Variants in WSCD2 observed in about 807,000 individuals in gnomAD.
WSCD2 encodes the protein sialate:O-sulfotransferase 2.
Under a neutral mutation model 55.7 loss-of-function variants are expected in WSCD2, and 28 were observed. The ratio of observed to expected loss-of-function variants is 0.50; its 90% confidence interval spans 0.37 to 0.69. The LOEUF (loss-of-function observed/expected upper bound fraction) is 0.69, where lower values mean the gene tolerates loss of function less well. WSCD2 is among the 30% of genes least tolerant of loss of function. The pLI is 0.00. For missense variants in WSCD2, 616 were observed against 762.1 expected (o/e 0.81, Z 2.26); for synonymous variants, 301 against 301.9 (o/e 1.00, Z 0.03).
At chr12:108,134,836 A>G (rs1037811680) in intron 1 of WSCD2, among the ~76,000 whole-genome samples, 1 of 152,152 alleles carries the variant, frequency 6.6e-6, no homozygotes, top group Admixed American at 6.5e-5. Context: ...CTTTGTATTC[A>G]TCTAGTCTTC....
intron 1 of WSCD2, among the ~76,000 whole-genome samples, chr12:108,134,538 A>G (rs989456410): frequency 6.6e-6 from 1 of 152,138 alleles, no homozygotes; most frequent in African/African-American, 2.4e-5. Flanking sequence ...GGTCACAAGC[A>G]GATCGGCAAA....
chr12:108,187,928 C>T (rs1882711205), intron 1 of WSCD2, among the ~76,000 whole-genome samples: 1 of 152,152 alleles, frequency 6.6e-6, no homozygotes, highest in Non-Finnish European at 1.5e-5. Context: ...CCCACCCTGA[C>T]CCTGCAACAA....
chr12:108,233,833 G>A (rs1889026600), intron 7 of WSCD2, among the ~76,000 whole-genome samples: 1 of 152,244 alleles, frequency 6.6e-6, no homozygotes, highest in Admixed American at 6.5e-5. Context: ...GGAGACATCA[G>A]GGAAGCAAGG....
chr12:108,197,228 A>G (rs563828003), intron 2 of WSCD2: 2 of 152,366 alleles, frequency 1.3e-5, no homozygotes, highest in South Asian at 4.1e-4. Context: ...TCAACTCATA[A>G]AAAACCCTTC....
At chr12:108,215,844 T>G (rs1195343430) in intron 4 of WSCD2, among the ~76,000 whole-genome samples, 2 of 152,216 alleles carry the variant, frequency 1.3e-5, no homozygotes, top group Non-Finnish European at 2.9e-5. Flanking sequence ...CAGAGACACT[T>G]GCAGCTGGTT....
At chr12:108,229,938 C>T (rs1888560576) in intron 6 of WSCD2, among the ~76,000 whole-genome samples, 1 of 151,730 alleles carries the variant, frequency 6.6e-6, no homozygotes, top group Non-Finnish European at 1.5e-5. Context: ...TATACTCATT[C>T]CATAGAATTT....
intron 6 of WSCD2, among the ~76,000 whole-genome samples, chr12:108,231,681 A>C (rs1888777648): frequency 6.6e-6 from 1 of 152,228 alleles, no homozygotes; most frequent in African/African-American, 2.4e-5. Flanking sequence ...CCATTCATGC[A>C]TCCGTCCAAG....
intron 1 of WSCD2, among the ~76,000 whole-genome samples, chr12:108,178,490 A>G (rs1243863150): frequency 6.6e-6 from 1 of 152,216 alleles, no homozygotes; most frequent in African/African-American, 2.4e-5. Flanking sequence ...ACTATACATC[A>G]GATACTTTAC....
chr12:108,196,952 CCCAAAGCTGCGCAG>C, intron 2 of WSCD2: 1 of 152,374 alleles, frequency 6.6e-6, no homozygotes, highest in Non-Finnish European at 1.5e-5. Context: ...AAGACACTTG[CCCAAAGCTGCGCAG>C]CTGGTCAGCA....
chr12:108,234,020 T>C (rs767779147), intron 7 of WSCD2, among the ~76,000 whole-genome samples: 2 of 152,212 alleles, frequency 1.3e-5, no homozygotes, highest in African/African-American at 2.4e-5. Flanking sequence ...ACGTACCTCA[T>C]GAGGTTGTTT....
chr12:108,156,185 C>A (rs747696229), intron 1 of WSCD2, among the ~76,000 whole-genome samples: 78 of 152,294 alleles, frequency 5.1e-4, no homozygotes, highest in Middle Eastern at 3.4e-3. Context: ...AGATTTGGTT[C>A]TTCACGAAGA....
At chr12:108,246,815 T>TG (rs1034472149) in intron 8 of WSCD2, among the ~76,000 whole-genome samples, 1 of 151,532 alleles carries the variant, frequency 6.6e-6, no homozygotes, top group Admixed American at 6.6e-5. Context: ...ACTACAGAAG[T>TG]GGGGGGTTTC....
chr12:108,184,206 A>G (rs10861878), intron 1 of WSCD2, among the ~76,000 whole-genome samples: 117,205 of 151,940 alleles, frequency 0.77, 45,808 homozygotes, highest in East Asian at 0.89. Flanking sequence ...CAGAGCTGGC[A>G]GTAGGTGCTG....
At chr12:108,213,314 C>T (rs560605484) in intron 4 of WSCD2, among the ~76,000 whole-genome samples, 57 of 152,332 alleles carry the variant, frequency 3.7e-4, no homozygotes, top group African/African-American at 1.3e-3. Flanking sequence ...GGGGCTCTGT[C>T]TTCAAGAGCC....
intron 1 of WSCD2, among the ~76,000 whole-genome samples, chr12:108,193,661 G>A (rs1371422205): frequency 1.3e-5 from 2 of 152,072 alleles, no homozygotes. Context: ...GGATGGGTGG[G>A]TGGATGCTGG....
rs117762489 is a variant in WSCD2 at position 108,216,975 on chromosome 12, T to C, written c.682+6670T>C. Among the ~76,000 whole-genome samples, 45 of 152,368 alleles carry C rather than the reference T, an allele frequency of 3.0e-4. No individual in the cohort carries two copies. In the East Asian group the frequency reaches 8.7e-3, roughly 29 times the overall value. ...CTGACAGCAAACAGTGCATGGGATC[T>C]AGCCACCTTCCACATATTATGGGCA... On this transcript the variant is annotated intron_variant, in intron 4 of 8. Transcript: ENST00000547525.
chr12:108,211,317 A>G (rs976916330), intron 4 of WSCD2, among the ~76,000 whole-genome samples: 3 of 152,212 alleles, frequency 2.0e-5, no homozygotes, highest in Non-Finnish European at 4.4e-5. Context: ...CCCTCTGGCC[A>G]GTGCTTCCCA....
intron 2 of WSCD2, 161 bp downstream of exon 2, chr12:108,196,375 G>T (rs1883928774): frequency 1.7e-6 from 2 of 1,183,366 alleles, no homozygotes; most frequent in East Asian, 5.2e-5. Flanking sequence ...TTGCACAGAG[G>T]AGAAAATTGA....
chr12:108,202,932 A>G (rs1442753271), intron 2 of WSCD2, among the ~76,000 whole-genome samples: 4 of 152,200 alleles, frequency 2.6e-5, no homozygotes, highest in Non-Finnish European at 5.9e-5. Context: ...TCTTCTCCCA[A>G]CGAACCACCC....
Sources: gnomAD v4.1 joint callset for allele counts (sites outside exome capture counted in the v4.1 genomes callset) on GRCh38, gnomAD v4.1.1 for gene constraint, MANE v1.5 for transcripts, NCBI Gene and HGNC (gene_info 2026-07-23, HGNC 2026-07-21) for gene names.